NT5DC3: variants seen among roughly 807,000 people sequenced by gnomAD.
The protein encoded by NT5DC3 is 5'-nucleotidase domain-containing protein 3.
Under a neutral mutation model 67.8 loss-of-function variants are expected in NT5DC3, and 42 were observed. The observed-to-expected ratio is 0.62, with a 90% CI of 0.48 to 0.80. The LOEUF (loss-of-function observed/expected upper bound fraction) is 0.80. Among genes scored for constraint, NT5DC3 ranks in the 30% least tolerant of loss-of-function variants. The probability of loss-of-function intolerance (pLI) is 0.00; values close to 1 mark genes in which losing one functional copy is unlikely to be tolerated. For missense variants in NT5DC3, 570 were observed against 696.4 expected, an observed-to-expected ratio of 0.82 and a Z score of 2.04; for synonymous variants, 237 against 255.6, an observed-to-expected ratio of 0.93 and a Z score of 0.69.
intron 9 of NT5DC3, among the ~76,000 whole-genome samples, chr12:103,789,436 CAA>C (rs1885942165): frequency 6.7e-5 from 10 of 150,042 alleles, no homozygotes; most frequent in African/African-American, 2.4e-5. Context: ...AAAACAAAAA[CAA>C]AAACAAACAA....
At chr12:103,782,170 G>A (rs1327395824) in intron 12 of NT5DC3, among the ~76,000 whole-genome samples, 1 of 152,200 alleles carries the variant, frequency 6.6e-6, no homozygotes, top group African/African-American at 2.4e-5. Flanking sequence ...AGGAGTTCGA[G>A]ACCAGCCCGG....
the NT5DC3 span, among the ~76,000 whole-genome samples, chr12:103,752,023 G>T: frequency 6.6e-6 from 1 of 152,260 alleles, no homozygotes; most frequent in African/African-American, 2.4e-5. Context: ...TTCATGATTT[G>T]CAGCCGATTT....
downstream of NT5DC3, chr12:103,766,623 C>CTGTT (rs10670456): frequency 0.032 from 12,029 of 375,064 alleles, 1,294 homozygotes; most frequent in African/African-American, 0.23. Context: ...TCTTTCTTCC[C>CTGTT]TGTTAGATTG....
chr12:103,794,075 A>T, intron 6 of NT5DC3, 78 bp from the exon 7 acceptor site: 2 of 1,095,790 alleles, frequency 1.8e-6, no homozygotes, highest in Non-Finnish European at 1.4e-6. Context: ...AATGGCAGTC[A>T]TGGTAACTTC....
chr12:103,768,178 T>C (rs1249755363), downstream of NT5DC3, among the ~76,000 whole-genome samples: 1 of 150,906 alleles, frequency 6.6e-6, no homozygotes, highest in East Asian at 2.0e-4. Context: ...CTCATGCCTA[T>C]AATCCCAGCA....
chr12:103,753,243 C>G, the NT5DC3 span: 7 of 1,614,100 alleles, frequency 4.3e-6, no homozygotes, highest in Non-Finnish European at 8.5e-7. Context: ...GGTGTTCCAT[C>G]TACGCTCCCC....
intron 13 of NT5DC3, 67 bp downstream of exon 13, chr12:103,780,233 C>T (rs1161296587): frequency 2.2e-6 from 3 of 1,356,330 alleles, no homozygotes; most frequent in Admixed American, 3.4e-5. Context: ...CCCTGGGGAA[C>T]ACATGTGGGC....
In NT5DC3 at chr12:103,841,192, C is replaced by T; in HGVS notation, c.-36G>A. 1.7e-6 allele frequency: 1 copy of T among 594,216 alleles called. No homozygotes were observed. 36.8% of individuals were successfully genotyped at this position (594,216 alleles called of 1,614,324 possible). ...TGCTGCCGCCACCGCCGCCGCGCCG[C>T]TCTGCGACTGCTGCTGCCCGGCCCA... On this transcript the variant is annotated 5_prime_UTR_variant, in exon 1 of 14. Transcript: ENST00000392876.
chr12:103,758,507 G>A, the NT5DC3 span, among the ~76,000 whole-genome samples: 1 of 152,184 alleles, frequency 6.6e-6, no homozygotes, highest in Non-Finnish European at 1.5e-5. Flanking sequence ...CTGCTCCATG[G>A]AACTCTCATC....
chr12:103,763,553 C>G, the NT5DC3 span: 1 of 1,614,070 alleles, frequency 6.2e-7, no homozygotes, highest in Non-Finnish European at 8.5e-7. Context: ...ATCTCGAACC[C>G]CTTGTATGAG....
chr12:103,794,005 A>C lies in NT5DC3; in HGVS notation c.754-8T>G. The C allele has an allele frequency of 6.2e-7, 1 of 1,612,512 alleles. No homozygotes were observed. The highest frequency in any genetic ancestry group is 8.5e-7 in the Non-Finnish European group (1 of 1,178,498). On this transcript the variant is annotated splice_region_variant and splice_polypyrimidine_tract_variant and intron_variant, in intron 6 of 13. Coordinates refer to ENST00000392876, the MANE Select transcript of NT5DC3 (RefSeq NM_001031701.3). ...GACGTCTCGAATTGAATCCTGCCAA[A>C]AGATACATTTTTAATCAGCGAAAAT... is the stretch of plus-strand genomic sequence containing the variant.
chr12:103,746,837 GA>G, the NT5DC3 span: 1 of 790,826 alleles, frequency 1.3e-6, no homozygotes, highest in African/African-American at 1.7e-5. Flanking sequence ...CCCTCTCTAT[GA>G]CTCAGTTTCT....
At chr12:103,755,514 A>G in the NT5DC3 span, 26 of 1,609,328 alleles carry the variant, frequency 1.6e-5, no homozygotes, top group Non-Finnish European at 2.0e-5. Context: ...ACAGCTGCTG[A>G]GCAATCCTCA....
chr12:103,764,384 G>T, the NT5DC3 span, among the ~76,000 whole-genome samples: 1 of 152,148 alleles, frequency 6.6e-6, no homozygotes, highest in Non-Finnish European at 1.5e-5. Context: ...ATGGGTGGGT[G>T]TTCTGCTCTG....
chr12:103,818,996 A>C (rs1264397424), intron 1 of NT5DC3, among the ~76,000 whole-genome samples: 3 of 152,234 alleles, frequency 2.0e-5, no homozygotes, highest in Non-Finnish European at 4.4e-5. Context: ...CTGCTTAATT[A>C]GAAGTTTATA....
chr12:103,832,760 A>G (rs898714992), intron 1 of NT5DC3, among the ~76,000 whole-genome samples: 1 of 152,220 alleles, frequency 6.6e-6, no homozygotes, highest in Admixed American at 6.5e-5. Context: ...TTCTGCCTCC[A>G]TAAGGATCAT....
the NT5DC3 span, among the ~76,000 whole-genome samples, chr12:103,758,658 T>G: frequency 1.3e-5 from 2 of 152,216 alleles, no homozygotes; most frequent in African/African-American, 4.8e-5. Context: ...ATAGGTCACA[T>G]GACTGAGCCC....
chr12:103,761,531 C>T, the NT5DC3 span: 1 of 855,974 alleles, frequency 1.2e-6, no homozygotes, highest in Non-Finnish European at 1.8e-6. Context: ...GGAGGAGCCT[C>T]CAGCCTCCAA....
Position 103,775,143 on chromosome 12 carries a change from G to T in NT5DC3, c.*2686C>A, listed in dbSNP as rs111698071. 6.6e-6 allele frequency: 1 copy of T among 152,118 alleles called. No individual in the cohort carries two copies. The highest frequency in any genetic ancestry group is 1.5e-5 in the Non-Finnish European group (1 of 68,046). 9.4% of individuals were successfully genotyped at this position (152,118 alleles called of 1,614,324 possible). On this transcript the variant is annotated 3_prime_UTR_variant, in exon 14 of 14. Coordinates refer to ENST00000392876, the MANE Select transcript of NT5DC3 (RefSeq NM_001031701.3). ...AATGACTGTGTTCGGCCCCGTTACC[G>T]CCACGACATGGGTCTACAGTCTGCA...
Sources: allele counts gnomAD v4.1 joint callset (sites outside exome capture counted in the v4.1 genomes callset), GRCh38; gene constraint gnomAD v4.1.1; transcripts MANE v1.5; gene names NCBI Gene and HGNC (gene_info 2026-07-23, HGNC 2026-07-21).